The following ATP6V1D variants were observed in gnomAD, a reference collection of about 807,000 sequenced individuals.
ATP6V1D encodes ATPase H+ transporting V1 subunit D.
ATP6V1D carries 20 observed loss-of-function variants against 39.4 expected under a neutral mutation model. The ratio of observed to expected loss-of-function variants is 0.51; its 90% CI spans 0.36 to 0.74. The LOEUF (loss-of-function observed/expected upper bound fraction) is 0.74, where lower values mean the gene tolerates loss of function less well. Ranked by LOEUF, ATP6V1D falls within the 30% of genes least tolerant of loss-of-function variation. The pLI, the probability that ATP6V1D is intolerant of heterozygous loss-of-function variation, is 0.00. For synonymous variants in ATP6V1D, 100 were observed against 100.5 expected, an observed-to-expected ratio of 0.99 and a Z score of 0.03; for missense variants, 228 against 291.6, an observed-to-expected ratio of 0.78 and a Z score of 1.59.
chr14:67,350,540 G>A, intron 3 of ATP6V1D, 71 bp downstream of exon 3: 1 of 1,320,102 alleles, frequency 7.6e-7, no homozygotes, highest in African/African-American at 1.5e-5. Context: ...ATTAAAAAAT[G>A]CTTTTTAAAT....
chr14:67,347,543 C>G (rs967132906), intron 4 of ATP6V1D, 90 bp from the exon 5 acceptor site: 2 of 1,180,058 alleles, frequency 1.7e-6, no homozygotes, highest in Non-Finnish European at 2.4e-6. Flanking sequence ...CTCTTGTCGC[C>G]GAGGCTGGAA....
chr14:67,353,678 A>G (rs2085669473), intron 1 of ATP6V1D: 1 of 152,084 alleles, frequency 6.6e-6, no homozygotes. Flanking sequence ...TTTAGTAGAG[A>G]CAGGGTTTCA....
intron 1 of ATP6V1D, among the ~76,000 whole-genome samples, chr14:67,358,127 C>T (rs1335794154): frequency 6.6e-6 from 1 of 152,034 alleles, no homozygotes; most frequent in Non-Finnish European, 1.5e-5. Context: ...CTGGGGTCAC[C>T]CTAGGGGCAG....
At chr14:67,352,841 T>C (rs2085664488) in intron 2 of ATP6V1D, 82 bp downstream of exon 2, 14 of 796,500 alleles carry the variant, frequency 1.8e-5, no homozygotes, top group African/African-American at 3.9e-5. Flanking sequence ...TTAATTAAAA[T>C]AACAACAACA....
intron 6 of ATP6V1D, among the ~76,000 whole-genome samples, chr14:67,345,496 A>C (rs2085613726): frequency 1.3e-5 from 2 of 152,164 alleles, no homozygotes; most frequent in Non-Finnish European, 2.9e-5. Flanking sequence ...CAGAGGTTGC[A>C]GTGAGCCGAG....
At chr14:67,342,589 C>G (rs567207000) in intron 7 of ATP6V1D, among the ~76,000 whole-genome samples, 192 of 142,974 alleles carry the variant, frequency 1.3e-3, no homozygotes, top group African/African-American at 4.8e-3. Flanking sequence ...CTTCCACTTT[C>G]ATGTACAAGG....
At chr14:67,343,934 T>C (rs2141096671) in intron 6 of ATP6V1D, among the ~76,000 whole-genome samples, 1 of 152,352 alleles carries the variant, frequency 6.6e-6, no homozygotes. Flanking sequence ...ATAACCTACA[T>C]GTCACATTTG....
At chr14:67,349,771 T>C (rs1311314385) in intron 3 of ATP6V1D, among the ~76,000 whole-genome samples, 1 of 152,172 alleles carries the variant, frequency 6.6e-6, no homozygotes, top group Non-Finnish European at 1.5e-5. Context: ...CACATACCAC[T>C]TATACACTAT....
rs113672997 is a variant in ATP6V1D, at chr14:67,344,842, C to G, written c.456+926G>C. Among the ~76,000 whole-genome samples the G allele has an allele frequency of 4.0e-5, 6 of 151,766 alleles. 1 individual carries two copies. The East Asian group carries it at 5.8e-4, about 15-fold the overall frequency. On this transcript the variant is annotated intron_variant, in intron 6 of 8. Transcript: ENST00000216442. ...GCTGCAGTTAGCCAAGATCGCAACA[C>G]TGCACTCCAGCCTGGGCAACAGAGC...
intron 4 of ATP6V1D, among the ~76,000 whole-genome samples, chr14:67,347,943 A>G (rs1353335505): frequency 3.4e-5 from 5 of 148,808 alleles, no homozygotes; most frequent in Non-Finnish European, 5.9e-5. Flanking sequence ...ACAGAGTCTC[A>G]CTCTGTCGCC....
intron 1 of ATP6V1D, among the ~76,000 whole-genome samples, chr14:67,354,502 C>T (rs1467412956): frequency 6.6e-6 from 1 of 152,036 alleles, no homozygotes; most frequent in East Asian, 1.9e-4. Flanking sequence ...AAAACACGTG[C>T]AAGGTTTAAA....
chr14:67,342,216 AATAAAAT>A lies in ATP6V1D; in HGVS notation c.523+1149_523+1155del, dbSNP rs1355413594. Reference sequence around the variant, plus strand: ...AATAAATAAATAAATAAATAAATAAAATAAAATAAAAAAAAACACAAAGAAAAAAAGT... The same window carrying A: ...AATAAATAAATAAATAAATAAATAAAAAAAAAAAACACAAAGAAAAAAAGT... On this transcript the variant is annotated intron_variant, in intron 7 of 8. Coordinates refer to ENST00000216442, the MANE Select transcript of ATP6V1D (RefSeq NM_015994.4). 1.0e-3 allele frequency among the ~76,000 whole-genome samples: 112 copies of A among 111,714 alleles called. 1 individual carries two copies. Among genetic ancestry groups the A allele is most frequent in the East Asian group, 6.3e-3 (11 of 1,758 alleles). The allele number at this position is 111,714 out of a possible 152,430, so 73.3% of individuals were successfully genotyped here.
intron 5 of ATP6V1D, 50 bp from the exon 6 acceptor site, chr14:67,345,921 C>T (rs747888795): frequency 1.3e-4 from 157 of 1,169,282 alleles, no homozygotes; most frequent in Non-Finnish European, 1.8e-4. Context: ...AATATCTTCC[C>T]TATAAAATTC....
Position 67,349,082 on chromosome 14 carries a change from T to C in ATP6V1D, c.262A>G (p.Asn88Asp). ...GCTCGAATCTTCACTTGCGCTTTATTGACATTTTGGATAACTGTAGTGCTG... is the reference window on the plus strand; with the variant it reads ...GCTCGAATCTTCACTTGCGCTTTATCGACATTTTGGATAACTGTAGTGCTG... ...DFSTTVIQNV[N>D]KAQVKIRAKK... Residue 88 changes from asparagine (N) to aspartate (D), a missense_variant, in exon 4 of 9, where the codon AAT becomes GAT. Physicochemically the swap from Asn to Asp is conservative, Grantham distance 23. This residue lies in a region of ATP6V1D where 104 missense variants were observed against 120.2 expected (regional missense o/e 0.87). Coordinates refer to ENST00000216442, the MANE Select transcript of ATP6V1D (RefSeq NM_015994.4). 5 of 1,614,136 alleles carry C rather than the reference T, an allele frequency of 3.1e-6. No individual in the cohort carries two copies. The highest frequency in any genetic ancestry group is 4.2e-6 in the Non-Finnish European group (5 of 1,179,976).
chr14:67,347,198 C>T (rs1381582734), intron 5 of ATP6V1D, among the ~76,000 whole-genome samples: 9 of 152,080 alleles, frequency 5.9e-5, no homozygotes, highest in Admixed American at 5.9e-4. Context: ...CTCAGCCTCC[C>T]AAAGTGCCAG....
Position 67,338,525 on chromosome 14 carries a change from G to A in ATP6V1D, c.*96C>T. 2 of 1,324,074 alleles carry A rather than the reference G, an allele frequency of 1.5e-6. No individual in the cohort carries two copies. Among genetic ancestry groups the A allele is most frequent in the African/African-American group, 1.5e-5 (1 of 66,852 alleles). 82.0% of individuals were successfully genotyped at this position (1,324,074 alleles called of 1,614,324 possible). On this transcript the variant is annotated 3_prime_UTR_variant, in exon 9 of 9. Transcript: ENST00000216442. ...AATTTTACAACCAGTGAAATTCTTA[G>A]GCCAAAAAATAAATAGCCACACAAA...
intron 2 of ATP6V1D, 49 bp downstream of exon 2, chr14:67,352,874 T>A: frequency 7.9e-7 from 1 of 1,272,504 alleles, no homozygotes; most frequent in Non-Finnish European, 1.1e-6. Flanking sequence ...CCAAGGGCCA[T>A]GCTGGATTTT....
At chr14:67,347,989 T>A (rs2085631939) in intron 4 of ATP6V1D, among the ~76,000 whole-genome samples, 1 of 151,722 alleles carries the variant, frequency 6.6e-6, no homozygotes, top group Non-Finnish European at 1.5e-5. Flanking sequence ...TTCAGCTCAC[T>A]GCAACCACCG....
At chr14:67,346,178 G>A (rs1335163447) in intron 5 of ATP6V1D, among the ~76,000 whole-genome samples, 2 of 152,170 alleles carry the variant, frequency 1.3e-5, no homozygotes, top group East Asian at 1.9e-4. Flanking sequence ...CCCAGAGTAC[G>A]ATGACACTCT....
Sources: allele counts gnomAD v4.1 joint callset (sites outside exome capture counted in the v4.1 genomes callset), GRCh38; gene constraint gnomAD v4.1.1; regional missense constraint gnomAD v4.1.1; transcripts MANE v1.5; gene names NCBI Gene and HGNC (gene_info 2026-07-23, HGNC 2026-07-21).